RNU4-1: variants seen among roughly 807,000 people sequenced by gnomAD.
RNU4-1 encodes the protein RNA, U4 small nuclear 1.
At chr12:120,293,118 A>G (rs570513244) in exon 1 of RNU4-1, 2 of 152,104 alleles carry the variant, frequency 1.3e-5, no homozygotes, top group Non-Finnish European at 2.9e-5. Context: ...ACTGTCAAAA[A>G]TTGCCAGTGC....
chr12:120,293,220 C>G (rs188700044), exon 1 of RNU4-1: 1 of 152,184 alleles, frequency 6.6e-6, no homozygotes, highest in South Asian at 2.1e-4. Flanking sequence ...GGCTACGATA[C>G]TGCCACTGCG....
exon 1 of RNU4-1, chr12:120,293,100 C>G (rs114484676): frequency 1.1e-4 from 17 of 152,112 alleles, no homozygotes; most frequent in African/African-American, 4.1e-4. Flanking sequence ...AATTCAGTCT[C>G]CGTAGAGACT....
exon 1 of RNU4-1, chr12:120,293,223 C>G (rs369057444): frequency 2.0e-5 from 3 of 152,180 alleles, no homozygotes; most frequent in African/African-American, 7.2e-5. Flanking sequence ...TACGATACTG[C>G]CACTGCGCAA....
At chr12:120,293,182 A>C (rs1566457606) in exon 1 of RNU4-1, 3 of 152,200 alleles carry the variant, frequency 2.0e-5, no homozygotes, top group Non-Finnish European at 4.4e-5. Context: ...TTCAATTAGC[A>C]ATAATCGCGC....
exon 1 of RNU4-1, chr12:120,293,153 C>CG (rs1872129575): frequency 6.6e-6 from 1 of 152,152 alleles, no homozygotes; most frequent in South Asian, 2.1e-4. Context: ...GTCGTCACGG[C>CG]GGGGTATTGG....
chr12:120,293,184 T>A (rs556757591), exon 1 of RNU4-1: 2 of 152,160 alleles, frequency 1.3e-5, no homozygotes, highest in Non-Finnish European at 2.9e-5. Flanking sequence ...CAATTAGCAA[T>A]AATCGCGCCT....
exon 1 of RNU4-1, chr12:120,293,179 A>AGCAATAATCGC (rs1872134814): frequency 6.6e-6 from 1 of 152,194 alleles, no homozygotes; most frequent in Non-Finnish European, 1.5e-5. Context: ...GTTTTCAATT[A>AGCAATAATCGC]GCAATAATCG....
At chr12:120,293,131 A>G (rs762661469) in exon 1 of RNU4-1, 14 of 152,310 alleles carry the variant, frequency 9.2e-5, no homozygotes, top group African/African-American at 2.4e-4. Flanking sequence ...GCCAGTGCCG[A>G]CTATATTGCA....
exon 1 of RNU4-1, chr12:120,293,143 G>C (rs535659349): frequency 1.2e-4 from 19 of 152,176 alleles, no homozygotes; most frequent in South Asian, 2.1e-4. Context: ...TATATTGCAA[G>C]TCGTCACGGC....
At chr12:120,293,135 T>C (rs183865871) in exon 1 of RNU4-1, 26 of 152,322 alleles carry the variant, frequency 1.7e-4, no homozygotes, top group Admixed American at 4.6e-4. Context: ...GTGCCGACTA[T>C]ATTGCAAGTC....
chr12:120,293,179 A>T (rs916836386), exon 1 of RNU4-1: 1 of 152,194 alleles, frequency 6.6e-6, no homozygotes, highest in Non-Finnish European at 1.5e-5. Context: ...GTTTTCAATT[A>T]GCAATAATCG....
exon 1 of RNU4-1, chr12:120,293,119 T>A (rs577102426): frequency 1.3e-5 from 2 of 152,148 alleles, no homozygotes; most frequent in Non-Finnish European, 2.9e-5. Flanking sequence ...CTGTCAAAAA[T>A]TGCCAGTGCC....
chr12:120,293,196 G>GA (rs1449565454), exon 1 of RNU4-1: 1 of 152,150 alleles, frequency 6.6e-6, no homozygotes, highest in African/African-American at 2.4e-5. Context: ...ATCGCGCCTC[G>GA]GATAGACCTC....
chr12:120,293,175 AATTAGCAATAATCGCGCCTCGG>A (rs1219309446), exon 1 of RNU4-1: 1 of 152,188 alleles, frequency 6.6e-6, no homozygotes, highest in African/African-American at 2.4e-5. Flanking sequence ...AAAAGTTTTC[AATTAGCAATAATCGCGCCTCGG>A]ATAGACCTCA....
At chr12:120,293,129 C>G (rs367874984) in exon 1 of RNU4-1, 1 of 152,112 alleles carries the variant, frequency 6.6e-6, no homozygotes, top group Non-Finnish European at 1.5e-5. Flanking sequence ...TTGCCAGTGC[C>G]GACTATATTG....
At chr12:120,293,152 G>T (rs182746872) in exon 1 of RNU4-1, 1 of 152,162 alleles carries the variant, frequency 6.6e-6, no homozygotes, top group Non-Finnish European at 1.5e-5. Context: ...AGTCGTCACG[G>T]CGGGGTATTG....
exon 1 of RNU4-1, chr12:120,293,111 G>C (rs79184089): frequency 2.0e-5 from 3 of 152,118 alleles, no homozygotes; most frequent in East Asian, 3.8e-4. Flanking sequence ...CGTAGAGACT[G>C]TCAAAAATTG....
chr12:120,293,160 T>C (rs1416880913), exon 1 of RNU4-1: 8 of 152,094 alleles, frequency 5.3e-5, no homozygotes, highest in Non-Finnish European at 1.2e-4. Context: ...CGGCGGGGTA[T>C]TGGGAAAAGT....
exon 1 of RNU4-1, chr12:120,293,194 TC>T (rs1236375338): frequency 6.6e-6 from 1 of 152,196 alleles, no homozygotes; most frequent in Admixed American, 6.6e-5. Flanking sequence ...TAATCGCGCC[TC>T]GGATAGACCT....
Sources: gnomAD v4.1 joint callset for allele counts on GRCh38, gnomAD v4.1.1 for gene constraint, MANE v1.5 for transcripts, NCBI Gene and HGNC (gene_info 2026-07-23, HGNC 2026-07-21) for gene names.